CACNA1E: variants seen among roughly 807,000 people sequenced by gnomAD.
The protein encoded by CACNA1E is voltage-dependent R-type calcium channel subunit alpha-1E.
A neutral mutation model predicts 259.2 loss-of-function variants in CACNA1E; 40 were observed. That is an observed-to-expected ratio of 0.15 (90% confidence interval 0.12 to 0.20). The LOEUF is 0.20. Ranked by LOEUF, CACNA1E falls within the 10% of genes least tolerant of loss-of-function variation. The pLI, the probability that CACNA1E is intolerant of heterozygous loss-of-function variation, is 1.00. For synonymous variants in CACNA1E, 1,104 were observed against 1,138.5 expected (o/e 0.97, Z 0.61); for missense variants, 1,874 against 3,040.1 (o/e 0.62, Z 9.02).
rs192736550 is a variant in CACNA1E at position 181,457,243 on chromosome 1, A to G, written c.435-26501A>G. 6.6e-5 allele frequency among the ~76,000 whole-genome samples: 10 copies of G among 152,344 alleles called. No homozygotes were observed. In the East Asian group the frequency reaches 1.9e-3, roughly 29 times the overall value. ...TCTTTGGGGCCTCTTTTAAAAGGGC[A>G]CTAATCTCATTCATGGGGGCTCCAC... On this transcript the variant is annotated intron_variant, in intron 2 of 11. Transcript: ENST00000524607.
chr1:181,446,788 G>C (rs1660818182), intron 2 of CACNA1E, among the ~76,000 whole-genome samples: 1 of 152,116 alleles, frequency 6.6e-6, no homozygotes, highest in Admixed American at 6.5e-5. Flanking sequence ...GTTTCACTGA[G>C]AAAGCTCTTC....
At chr1:181,474,400 C>A (rs973273421) in intron 2 of CACNA1E, among the ~76,000 whole-genome samples, 1 of 152,188 alleles carries the variant, frequency 6.6e-6, no homozygotes, top group East Asian at 1.9e-4. Flanking sequence ...TTGTAAACTG[C>A]ACATTAGGAA....
intron 1 of CACNA1E, among the ~76,000 whole-genome samples, chr1:181,487,975 A>G (rs1663992508): frequency 6.6e-6 from 1 of 152,234 alleles, no homozygotes. Context: ...CAGCCCTGAG[A>G]TAATGAAGCT....
In CACNA1E at chr1:181,801,508, T is replaced by G. The variant is rs1662275905; in HGVS notation, c.*2674T>G. 6.6e-6 allele frequency: 1 copy of G among 152,238 alleles called. No homozygotes were observed. The highest frequency in any genetic ancestry group is 1.5e-5 in the Non-Finnish European group (1 of 68,040). 9.4% of individuals were successfully genotyped at this position (152,238 alleles called of 1,614,324 possible). On this transcript the variant is annotated 3_prime_UTR_variant, in exon 48 of 48. Coordinates refer to ENST00000367573, the MANE Select transcript of CACNA1E (RefSeq NM_001205293.3). ...CCTTCCCTTGACCAAGAAATTGGGT[T>G]TCTTTTCCCTCAGCCTGCACTTACT...
intron 6 of CACNA1E, among the ~76,000 whole-genome samples, chr1:181,624,470 A>G (rs1402735072): frequency 2.6e-5 from 4 of 152,194 alleles, no homozygotes; most frequent in Non-Finnish European, 5.9e-5. Context: ...AACTAAGTTT[A>G]TGTAATTTTC....
intron 21 of CACNA1E, among the ~76,000 whole-genome samples, chr1:181,734,030 AGCTGTTT>A (rs758170055): frequency 2.0e-5 from 3 of 152,248 alleles, no homozygotes; most frequent in Admixed American, 1.3e-4. Flanking sequence ...TTAGATATTC[AGCTGTTT>A]GCTTTGGTGC....
chr1:181,599,603 A>G (rs1350357278), intron 6 of CACNA1E, among the ~76,000 whole-genome samples: 1 of 152,194 alleles, frequency 6.6e-6, no homozygotes, highest in African/African-American at 2.4e-5. Flanking sequence ...TGTTAACTAC[A>G]CTGTAAACTC....
At chr1:181,484,830 A>T (rs1225049379) in intron 1 of CACNA1E, among the ~76,000 whole-genome samples, 2 of 152,192 alleles carry the variant, frequency 1.3e-5, no homozygotes, top group East Asian at 3.9e-4. Context: ...CGCTGAGGCC[A>T]GAGGTGTGCA....
chr1:181,568,412 C>T (rs753114927), intron 3 of CACNA1E, among the ~76,000 whole-genome samples: 3 of 152,110 alleles, frequency 2.0e-5, no homozygotes, highest in Non-Finnish European at 4.4e-5. Context: ...GGTAAAAGAC[C>T]AATAGTTAAT....
At chr1:181,384,727 C>A (rs1306457049) in intron 1 of CACNA1E, among the ~76,000 whole-genome samples, 1 of 152,148 alleles carries the variant, frequency 6.6e-6, no homozygotes, top group African/African-American at 2.4e-5. Flanking sequence ...GTACAAGCCC[C>A]TCCCAGACCC....
At chr1:181,641,715 T>TTTTTTTTTTTTTTTTTTTTTG in intron 6 of CACNA1E, among the ~76,000 whole-genome samples, 1 of 114,060 alleles carries the variant, frequency 8.8e-6, no homozygotes, top group Non-Finnish European at 1.8e-5. Context: ...TTTTTTTTTT[T>TTTTTTTTTTTTTTTTTTTTTG]TTTTTTTTTT....
At chr1:181,447,202 T>C (rs3845434) in intron 2 of CACNA1E, among the ~76,000 whole-genome samples, 58,195 of 149,930 alleles carry the variant, frequency 0.39, 11,581 homozygotes, top group African/African-American at 0.5. Flanking sequence ...TTTGGGATTT[T>C]CCCCCCCTAT....
chr1:181,462,522 A>G (rs1571926614), intron 2 of CACNA1E, among the ~76,000 whole-genome samples: 1 of 152,224 alleles, frequency 6.6e-6, no homozygotes, highest in South Asian at 2.1e-4. Flanking sequence ...ACCCACTACC[A>G]AGATTAAATA....
chr1:181,616,918 T>C (rs1171509325), intron 6 of CACNA1E, among the ~76,000 whole-genome samples: 1 of 152,246 alleles, frequency 6.6e-6, no homozygotes, highest in Admixed American at 6.5e-5. Context: ...TTTTTTGAAG[T>C]AATTTATCCA....
Position 181,598,386 on chromosome 1 carries a change from G to T in CACNA1E, c.951+17610G>T, listed in dbSNP as rs571101072. Reference sequence around the variant, plus strand: ...AGGCAGTGGCGGTGTTCTCTCTGAGGTAGCCAAGAAAGGCTTCATAGAGAA... The same window carrying T: ...AGGCAGTGGCGGTGTTCTCTCTGAGTTAGCCAAGAAAGGCTTCATAGAGAA... On this transcript the variant is annotated intron_variant, in intron 6 of 47. Transcript: ENST00000367573. 2.6e-5 allele frequency among the ~76,000 whole-genome samples: 4 copies of T among 152,166 alleles called. No homozygotes were observed. In the South Asian group the frequency reaches 8.3e-4, roughly 32 times the overall value.
At chr1:181,694,065 G>T (rs1406858673) in intron 7 of CACNA1E, among the ~76,000 whole-genome samples, 3 of 152,118 alleles carry the variant, frequency 2.0e-5, no homozygotes, top group Non-Finnish European at 4.4e-5. Context: ...TGACAAATAT[G>T]TAATGAGAAA....
At chr1:181,709,607 T>C (rs1481223207) in intron 7 of CACNA1E, among the ~76,000 whole-genome samples, 1 of 152,174 alleles carries the variant, frequency 6.6e-6, no homozygotes, top group Non-Finnish European at 1.5e-5. Context: ...TTACAGTGGG[T>C]GCTGGACTCC....
intron 29 of CACNA1E, among the ~76,000 whole-genome samples, chr1:181,756,633 G>A (rs1244885581): frequency 6.6e-6 from 1 of 152,170 alleles, no homozygotes; most frequent in Admixed American, 6.5e-5. Context: ...CTACTTGGCA[G>A]CAAAATGTTA....
At chr1:181,401,025 A>G (rs1028009146) in intron 1 of CACNA1E, among the ~76,000 whole-genome samples, 8 of 151,916 alleles carry the variant, frequency 5.3e-5, no homozygotes, top group Non-Finnish European at 8.8e-5. Flanking sequence ...GCCCCCCAAC[A>G]TTACATCGCC....
Sources: gnomAD v4.1 joint callset for allele counts (sites outside exome capture counted in the v4.1 genomes callset) on GRCh38, gnomAD v4.1.1 for gene constraint, MANE v1.5 for transcripts, NCBI Gene and HGNC (gene_info 2026-07-23, HGNC 2026-07-21) for gene names.